SMYD3: variants seen among roughly 807,000 people sequenced by gnomAD.
SMYD3 encodes histone-lysine N-methyltransferase SMYD3.
A neutral mutation model predicts 57.7 loss-of-function variants in SMYD3; 36 were observed. That is an observed-to-expected ratio of 0.62 (90% CI 0.48 to 0.82). SMYD3 has a LOEUF of 0.82. SMYD3 is among the 40% of genes least tolerant of loss of function. The pLI is 0.00. For synonymous variants in SMYD3, 211 were observed against 195.0 expected (o/e 1.08, Z -0.68); for missense variants, 515 against 538.8 (o/e 0.96, Z 0.44).
intron 5 of SMYD3, among the ~76,000 whole-genome samples, chr1:246,254,074 T>G (rs1307654288): frequency 6.6e-6 from 1 of 152,234 alleles, no homozygotes; most frequent in Non-Finnish European, 1.5e-5. Flanking sequence ...GATGTGTAGT[T>G]TGCCAACATT....
chr1:245,945,287 AAAAC>A (rs551262105), intron 5 of SMYD3, among the ~76,000 whole-genome samples: 1 of 152,324 alleles, frequency 6.6e-6, no homozygotes, highest in South Asian at 2.1e-4. Flanking sequence ...TTACAAGAAG[AAAAC>A]AAACAGCCCC....
rs548090635 is a variant in SMYD3 at position 245,823,664 on chromosome 1, C to A, written c.1076+34832G>T. 2.6e-5 allele frequency among the ~76,000 whole-genome samples: 4 copies of A among 152,180 alleles called. No individual in the cohort carries two copies. In the South Asian group the frequency reaches 8.3e-4, roughly 31 times the overall value. ...TCTCTCATCTGTTTTTCCCACAAGT[C>A]GTTCAATTCAGTTGTTGGGCAACCG... On this transcript the variant is annotated intron_variant, in intron 10 of 11. Coordinates refer to ENST00000490107, the MANE Select transcript of SMYD3 (RefSeq NM_001167740.2).
chr1:246,340,328 A>T (rs1282651084), intron 2 of SMYD3, among the ~76,000 whole-genome samples: 1 of 151,320 alleles, frequency 6.6e-6, no homozygotes, highest in East Asian at 1.9e-4. Context: ...AACAGTCTAA[A>T]ATACATATAT....
At chr1:246,375,206 T>A (rs982926840) in intron 1 of SMYD3, among the ~76,000 whole-genome samples, 10 of 152,106 alleles carry the variant, frequency 6.6e-5, no homozygotes, top group African/African-American at 2.4e-4. Flanking sequence ...AGGAACCTAA[T>A]CCTGTATATC....
intron 10 of SMYD3, among the ~76,000 whole-genome samples, chr1:245,790,178 A>C (rs898100057): frequency 1.7e-4 from 26 of 152,224 alleles, no homozygotes; most frequent in Admixed American, 1.6e-3. Context: ...AGACACTTTC[A>C]TTGGGGGCTG....
At chr1:246,455,714 C>A (rs1317469476) in intron 1 of SMYD3, among the ~76,000 whole-genome samples, 2 of 152,226 alleles carry the variant, frequency 1.3e-5, no homozygotes, top group Non-Finnish European at 2.9e-5. Context: ...AGACAACTGG[C>A]AGGCTATTTC....
In SMYD3 at chr1:246,472,853, C is replaced by CTTT. The variant is rs74163449; in HGVS notation, c.164+34198_164+34200dup. On this transcript the variant is annotated intron_variant, in intron 1 of 11. Coordinates refer to ENST00000490107, the MANE Select transcript of SMYD3 (RefSeq NM_001167740.2). The stretch of plus-strand genomic sequence containing the variant: ...GTCTCCCGCAGTTACTCTCAAATTT[C>CTTT]TTTTTTTTTTTTTTTTTTTTTTGAG... Among the ~76,000 whole-genome samples, 221 of 102,930 alleles carry CTTT rather than the reference C, an allele frequency of 2.1e-3. 1 individual carries two copies. The highest frequency in any genetic ancestry group is 2.6e-3 in the Non-Finnish European group (131 of 51,030). The allele number at this position is 102,930 out of a possible 152,430, so 67.5% of individuals were successfully genotyped here. A position where few individuals can be genotyped will look rare whatever the true frequency, so the allele number is the denominator to read the frequency against.
At position 245,848,103 on chromosome 1, in the gene SMYD3, CTT is replaced by C. The variant is rs35906120; in HGVS notation, c.1076+10391_1076+10392del. Among the ~76,000 whole-genome samples the C allele has an allele frequency of 4.1e-3, 605 of 147,946 alleles. 5 individuals are homozygous for C. Among genetic ancestry groups the C allele is most frequent in the African/African-American group, 0.014 (554 of 40,354 alleles). ...CAGGCAAATGCAACAGAGATAAAGTCTTTTTTTTTTTTTGGAGACAGGGTCTC... is the reference window on the plus strand; with the variant it reads ...CAGGCAAATGCAACAGAGATAAAGTCTTTTTTTTTTTGGAGACAGGGTCTC... On this transcript the variant is annotated intron_variant, in intron 10 of 11. Transcript: ENST00000490107.
At chr1:245,788,473 A>G (rs536793002) in intron 10 of SMYD3, among the ~76,000 whole-genome samples, 63 of 152,216 alleles carry the variant, frequency 4.1e-4, no homozygotes, top group South Asian at 2.5e-3. Context: ...GGAGTGGGGG[A>G]TGCTTTACTT....
At chr1:246,387,323 G>C (rs1182584166) in intron 1 of SMYD3, among the ~76,000 whole-genome samples, 1 of 152,106 alleles carries the variant, frequency 6.6e-6, no homozygotes, top group African/African-American at 2.4e-5. Context: ...TAACATGGAG[G>C]CAACACTGTT....
rs34527613 is a variant in SMYD3, at chr1:245,858,549, G to A, written c.1023C>T (p.Leu341=). Residue 341 remains leucine, a synonymous_variant, in exon 10 of 12, where the codon CTC becomes CTT. Coordinates refer to ENST00000490107, the MANE Select transcript of SMYD3 (RefSeq NM_001167740.2). The part of the protein sequence containing the change: ...LDCAMDACIN[L]GLLEEALFYG... ...AGAACAAGGCTTCCTCCAACAGGCC[G>A]AGGTTGATGCAGGCATCCATGGCGC... 0.038 allele frequency: 61,942 copies of A among 1,614,140 alleles called. 1,381 individuals carry two copies. The highest frequency in any genetic ancestry group is 0.044 in the Non-Finnish European group (52,249 of 1,180,004).
intron 1 of SMYD3, among the ~76,000 whole-genome samples, chr1:246,449,642 G>A (rs912569761): frequency 7.9e-5 from 12 of 152,088 alleles, no homozygotes; most frequent in Non-Finnish European, 1.8e-4. Context: ...CTCTTTGAAC[G>A]CCCATTTCCT....
At chr1:246,411,308 TAA>T (rs546364137) in intron 1 of SMYD3, among the ~76,000 whole-genome samples, 5 of 152,106 alleles carry the variant, frequency 3.3e-5, no homozygotes, top group Non-Finnish European at 7.3e-5. Flanking sequence ...TGGCAATCAT[TAA>T]AAAGTCAGGA....
chr1:246,016,051 T>G (rs2059370934), intron 5 of SMYD3, among the ~76,000 whole-genome samples: 1 of 152,138 alleles, frequency 6.6e-6, no homozygotes, highest in African/African-American at 2.4e-5. Flanking sequence ...GAGCTGGTCA[T>G]GGCTAGGCTG....
At chr1:245,839,812 A>G (rs938474114) in intron 10 of SMYD3, among the ~76,000 whole-genome samples, 1 of 152,170 alleles carries the variant, frequency 6.6e-6, no homozygotes. Context: ...GGAAAAATGA[A>G]GAACACTCAG....
intron 10 of SMYD3, among the ~76,000 whole-genome samples, chr1:245,811,677 T>C (rs1329102327): frequency 6.6e-6 from 1 of 152,198 alleles, no homozygotes; most frequent in African/African-American, 2.4e-5. Flanking sequence ...GCTATCTTCC[T>C]AAACACAGAT....
chr1:246,209,112 A>G (rs1174200924), intron 5 of SMYD3, among the ~76,000 whole-genome samples: 2 of 152,164 alleles, frequency 1.3e-5, no homozygotes, highest in African/African-American at 4.8e-5. Flanking sequence ...CCAACATTTT[A>G]AGCCTCCCTA....
intron 1 of SMYD3, among the ~76,000 whole-genome samples, chr1:246,378,757 T>TATATATTATATATAATTATATATAATA (rs2066328688): frequency 2.6e-5 from 1 of 38,182 alleles, no homozygotes; most frequent in African/African-American, 1.1e-4. Context: ...TATAATATAT[T>TATATATTATATATAATTATATATAATA]TAATATATTA....
intron 11 of SMYD3, 117 bp downstream of exon 11, chr1:245,763,924 G>T: frequency 2.8e-6 from 2 of 712,662 alleles, no homozygotes; most frequent in Non-Finnish European, 4.9e-6. Context: ...CACACACTGG[G>T]CATGCGTGTG....
Sources: allele counts gnomAD v4.1 joint callset (sites outside exome capture counted in the v4.1 genomes callset), GRCh38; gene constraint gnomAD v4.1.1; transcripts MANE v1.5; gene names NCBI Gene and HGNC (gene_info 2026-07-23, HGNC 2026-07-21).